The following PCBP4 variants were observed in gnomAD, a reference collection of about 807,000 sequenced individuals.
PCBP4 encodes poly(rC)-binding protein 4.
A neutral mutation model predicts 46.2 loss-of-function variants in PCBP4; 24 were observed. The ratio of observed to expected loss-of-function variants is 0.52; its 90% CI spans 0.38 to 0.73. PCBP4 has a LOEUF of 0.73. PCBP4 is among the 30% of genes least tolerant of loss of function. The probability of loss-of-function intolerance (pLI) is 0.00; values close to 1 mark genes in which losing one functional copy is unlikely to be tolerated. For synonymous variants in PCBP4, 203 were observed against 224.4 expected (o/e 0.90, Z 0.85); for missense variants, 407 against 537.0 (o/e 0.76, Z 2.39).
rs1257066207 is a variant in PCBP4 at position 51,962,027 on chromosome 3, G to A, written c.-151C>T. The A allele has an allele frequency of 6.6e-6, 1 of 152,494 alleles. No individual in the cohort carries two copies. The highest frequency in any genetic ancestry group is 1.5e-5 in the Non-Finnish European group (1 of 68,224). The allele number at this position is 152,494 out of a possible 1,614,324, so 9.4% of individuals were successfully genotyped here. A position where few individuals can be genotyped will look rare whatever the true frequency, so the allele number is the denominator to read the frequency against. On this transcript the variant is annotated 5_prime_UTR_variant, in exon 2 of 14. Transcript: ENST00000461554. ...GGCTGCAGTGGGTGGGGCACAGCGT[G>A]TCAGGGGACTGGCAGTTCTGCACGT...
chr3:51,964,035 C>T (rs903001182), intron 1 of PCBP4, among the ~76,000 whole-genome samples: 6 of 152,288 alleles, frequency 3.9e-5, no homozygotes, highest in East Asian at 1.9e-4. Context: ...CTCACCTCCG[C>T]GGGTGCCCAG....
At chr3:51,961,426 G>A in intron 2 of PCBP4, 122 bp from the exon 3 acceptor site, 1 of 1,142,712 alleles carries the variant, frequency 8.8e-7, no homozygotes, top group Non-Finnish European at 1.2e-6. Flanking sequence ...CATGGACCTT[G>A]AGCGCCACAC....
Position 51,958,111 on chromosome 3 carries a change from C to T in PCBP4, c.1162G>A (p.Ala388Thr), listed in dbSNP as rs144814800. The change falls in exon 14 of 14, where the codon GCA becomes ACA. Residue 388 changes from alanine (A) to threonine (T), a missense_variant. By Grantham distance (58) the Ala-to-Thr change is moderately conservative. Transcript: ENST00000461554. The surrounding 1 kb of genome is among the most constrained non-coding windows in gnomAD (Gnocchi z 5.4). The part of the protein sequence containing the change: ...GLAAYTAKMA[A>T]ANGSKKAERQ... Reference sequence around the variant, plus strand: ...TCAGCCTTCTTGCTCCCATTAGCTGCTGCCATCTTGGCAGTGTAGGCCGCC... The same window carrying T: ...TCAGCCTTCTTGCTCCCATTAGCTGTTGCCATCTTGGCAGTGTAGGCCGCC... The T allele has an allele frequency of 1.3e-5, 20 of 1,596,234 alleles. No homozygotes were observed. The African/African-American group carries it at 2.3e-4, about 18-fold the overall frequency.
chr3:51,959,521 T>C lies in PCBP4; in HGVS notation c.591+56A>G, dbSNP rs2106733097. ...CAATTCCTTCTTCCATCCCCTCCTC[T>C]ATCTCAATCCCCCTTCTCCAGTAAT... On this transcript the variant is annotated intron_variant, in intron 9 of 13. Transcript: ENST00000461554. This position sits in a 1 kb window ranked among gnomAD's most constrained non-coding sequence, Gnocchi z 5.6. The C allele has an allele frequency of 1.3e-6, 2 of 1,531,082 alleles. No individual in the cohort carries two copies. Among genetic ancestry groups the C allele is most frequent in the South Asian group, 1.2e-5 (1 of 83,092 alleles). 94.8% of individuals were successfully genotyped at this position (1,531,082 alleles called of 1,614,324 possible).
chr3:51,963,997 C>A (rs573539606), intron 1 of PCBP4, among the ~76,000 whole-genome samples: 1 of 152,210 alleles, frequency 6.6e-6, no homozygotes, highest in Non-Finnish European at 1.5e-5. Flanking sequence ...CACGTGGCAG[C>A]CACACAACAT....
In PCBP4 at chr3:51,959,672, T is replaced by C; in HGVS notation, c.517-21A>G. The stretch of plus-strand genomic sequence containing the variant: ...GGGGACTGGAAGGCATAAACAGGGC[T>C]CTGTCAGGACCCTCTCAGGCTCCGA... On this transcript the variant is annotated intron_variant, in intron 8 of 13. Coordinates refer to ENST00000461554, the MANE Select transcript of PCBP4 (RefSeq NM_001174100.2). This position sits in a 1 kb window ranked among gnomAD's most constrained non-coding sequence, Gnocchi z 5.6. 6.5e-7 allele frequency: 1 copy of C among 1,547,716 alleles called. No homozygotes were observed. The highest frequency in any genetic ancestry group is 1.7e-4 in the Middle Eastern group (1 of 5,976).
Position 51,957,869 on chromosome 3 carries a change from C to T in PCBP4, c.*192G>A. Reference sequence around the variant, plus strand: ...GCCCTGGGGCTGCCGCAGCTCAGACCCCTGGGCCAGAAACTGCCCCCACTC... The same window carrying T: ...GCCCTGGGGCTGCCGCAGCTCAGACTCCTGGGCCAGAAACTGCCCCCACTC... On this transcript the variant is annotated 3_prime_UTR_variant, in exon 14 of 14. Transcript: ENST00000461554. 1.9e-6 allele frequency: 1 copy of T among 516,302 alleles called. No individual in the cohort carries two copies. Among genetic ancestry groups the T allele is most frequent in the Non-Finnish European group, 3.3e-6 (1 of 300,280 alleles). 32.0% of individuals were successfully genotyped at this position (516,302 alleles called of 1,614,324 possible).
intron 1 of PCBP4, among the ~76,000 whole-genome samples, chr3:51,966,354 G>A (rs1700423224): frequency 6.6e-6 from 1 of 152,192 alleles, no homozygotes; most frequent in African/African-American, 2.4e-5. Flanking sequence ...GGTGGGGGCT[G>A]GGATGGGGGT....
At position 51,958,128 on chromosome 3, in the gene PCBP4, T is replaced by C; in HGVS notation, c.1145A>G (p.Tyr382Cys). ...ATTAGCTGCTGCCATCTTGGCAGTGTAGGCCGCCAAGCCCGGCGGCGGCCC... is the reference window on the plus strand; with the variant it reads ...ATTAGCTGCTGCCATCTTGGCAGTGCAGGCCGCCAAGCCCGGCGGCGGCCC... ...SPGPPPGLAA[Y>C]TAKMAAANGS... Residue 382 changes from tyrosine (Y) to cysteine (C), a missense_variant, in exon 14 of 14, where the codon TAC (tyrosine) becomes TGC (cysteine). By Grantham distance (194) the Tyr-to-Cys change is radical. Coordinates refer to ENST00000461554, the MANE Select transcript of PCBP4 (RefSeq NM_001174100.2). This position sits in a 1 kb window ranked among gnomAD's most constrained non-coding sequence, Gnocchi z 5.4. 4 of 1,608,630 alleles carry C rather than the reference T, an allele frequency of 2.5e-6. No homozygotes were observed. The highest frequency in any genetic ancestry group is 2.2e-5 in the East Asian group (1 of 44,756).
chr3:51,959,693 T>C lies in PCBP4; in HGVS notation c.517-42A>G. 1 of 1,522,400 alleles carries C rather than the reference T, an allele frequency of 6.6e-7. No individual in the cohort carries two copies. Among genetic ancestry groups the C allele is most frequent in the South Asian group, 1.2e-5 (1 of 83,312 alleles). The allele number at this position is 1,522,400 out of a possible 1,614,324, so 94.3% of individuals were successfully genotyped here. A position where few individuals can be genotyped will look rare whatever the true frequency, so the allele number is the denominator to read the frequency against. ...GGGCTCTGTCAGGACCCTCTCAGGC[T>C]CCGATAACCTCCCCAGCTGCCCAGT... On this transcript the variant is annotated intron_variant, in intron 8 of 13. Transcript: ENST00000461554. This position sits in a 1 kb window ranked among gnomAD's most constrained non-coding sequence, Gnocchi z 5.6.
Position 51,961,403 on chromosome 3 carries a change from A to C in PCBP4, c.-64-99T>G, listed in dbSNP as rs114593478. Reference sequence around the variant, plus strand: ...AGAGCTGGGCTAGTCAAACTCCCAGAGGAAAGAGACTGCATGGACCTTGAG... The same window carrying C: ...AGAGCTGGGCTAGTCAAACTCCCAGCGGAAAGAGACTGCATGGACCTTGAG... On this transcript the variant is annotated intron_variant, in intron 2 of 13. Transcript: ENST00000461554. 2,834 of 1,335,360 alleles carry C rather than the reference A, an allele frequency of 2.1e-3. 71 individuals carry two copies. The African/African-American group carries it at 0.038, about 18-fold the overall frequency. 82.7% of individuals were successfully genotyped at this position (1,335,360 alleles called of 1,614,324 possible). A position where few individuals can be genotyped will look rare whatever the true frequency, so the allele number is the denominator to read the frequency against.
chr3:51,960,978 G>GGGGGATGTACA lies in PCBP4; in HGVS notation c.105+21_105+31dup, dbSNP rs1559760780. ...TCCCTGGGCTGAAGCCTCAGCTGGA[G>GGGGGATGTACA]GGGGATGTACAGAGCAGAGCTAGGC... On this transcript the variant is annotated intron_variant, in intron 4 of 13. Transcript: ENST00000461554. This position sits in a 1 kb window ranked among gnomAD's most constrained non-coding sequence, Gnocchi z 5.0. 1.9e-6 allele frequency: 3 copies of GGGGGATGTACA among 1,614,034 alleles called. No individual in the cohort carries two copies. The highest frequency in any genetic ancestry group is 2.5e-6 in the Non-Finnish European group (3 of 1,179,966).
At position 51,960,103 on chromosome 3, in the gene PCBP4, T is replaced by TG. The variant is rs781264381; in HGVS notation, c.388-81dup. The TG allele has an allele frequency of 6.2e-7, 1 of 1,613,894 alleles. No homozygotes were observed. The highest frequency in any genetic ancestry group is 1.1e-5 in the South Asian group (1 of 91,082). On this transcript the variant is annotated intron_variant, in intron 7 of 13. Coordinates refer to ENST00000461554, the MANE Select transcript of PCBP4 (RefSeq NM_001174100.2). The surrounding 1 kb of genome is among the most constrained non-coding windows in gnomAD (Gnocchi z 5.0). ...CTGCCCAGGCTCAGAGCTCTCTAGG[T>TG]GGGGAGGACGCCATAAGCCCAACAC...
chr3:51,967,002 A>C (rs903927051), intron 1 of PCBP4, among the ~76,000 whole-genome samples: 2 of 152,126 alleles, frequency 1.3e-5, no homozygotes, highest in African/African-American at 4.8e-5. Flanking sequence ...GGGAGTGGCA[A>C]GTGAGGGCAG....
Position 51,960,163 on chromosome 3 carries a change from T to G in PCBP4, c.387+26A>C. 1 of 1,614,118 alleles carries G rather than the reference T, an allele frequency of 6.2e-7. No individual in the cohort carries two copies. On this transcript the variant is annotated intron_variant, in intron 7 of 13. Coordinates refer to ENST00000461554, the MANE Select transcript of PCBP4 (RefSeq NM_001174100.2). The surrounding 1 kb of genome is among the most constrained non-coding windows in gnomAD (Gnocchi z 5.0). ...AACTGCTCCCTTGCCCCGGATTCCC[T>G]GTGGGTGGTATATCTCGCCCCTCAC...
intron 1 of PCBP4, among the ~76,000 whole-genome samples, chr3:51,965,196 C>T (rs535541302): frequency 1.3e-5 from 2 of 152,364 alleles, no homozygotes; most frequent in South Asian, 4.1e-4. Context: ...TCAACAGCCA[C>T]CCATGGCTGC....
Position 51,959,799 on chromosome 3 carries a change from GC to G in PCBP4, c.516+95del, listed in dbSNP as rs1327420254. 6.6e-7 allele frequency: 1 copy of G among 1,524,922 alleles called. No homozygotes were observed. Among genetic ancestry groups the G allele is most frequent in the East Asian group, 2.3e-5 (1 of 44,314 alleles). The allele number at this position is 1,524,922 out of a possible 1,614,324, so 94.5% of individuals were successfully genotyped here. A position where few individuals can be genotyped will look rare whatever the true frequency, so the allele number is the denominator to read the frequency against. On this transcript the variant is annotated intron_variant, in intron 8 of 13. Coordinates refer to ENST00000461554, the MANE Select transcript of PCBP4 (RefSeq NM_001174100.2). The surrounding 1 kb of genome is among the most constrained non-coding windows in gnomAD (Gnocchi z 5.6). Reference sequence around the variant, plus strand: ...TCATCCATCCCTGCAGCCCTGCCCTGCCCCACCTGCAGCACAGGCATAGGGT... The same window carrying G: ...TCATCCATCCCTGCAGCCCTGCCCTGCCCACCTGCAGCACAGGCATAGGGT...
intron 1 of PCBP4, among the ~76,000 whole-genome samples, chr3:51,963,505 T>A (rs762180867): frequency 2.0e-5 from 3 of 152,184 alleles, no homozygotes; most frequent in Non-Finnish European, 4.4e-5. Flanking sequence ...TTTCTGGGGT[T>A]CAAGGACCCC....
intron 1 of PCBP4, among the ~76,000 whole-genome samples, chr3:51,966,328 C>T (rs1700420376): frequency 6.6e-6 from 1 of 152,040 alleles, no homozygotes; most frequent in Non-Finnish European, 1.5e-5. Context: ...AGCCTGCATG[C>T]TGATGAAGGC....
Sources: allele counts gnomAD v4.1 joint callset (sites outside exome capture counted in the v4.1 genomes callset), GRCh38; gene constraint gnomAD v4.1.1; non-coding constraint Gnocchi (gnomAD v3.1); transcripts MANE v1.5; gene names NCBI Gene and HGNC (gene_info 2026-07-23, HGNC 2026-07-21).